KCNIP4: variants seen among roughly 807,000 people sequenced by gnomAD.
The protein encoded by KCNIP4 is Kv channel-interacting protein 4.
In KCNIP4, 12 loss-of-function variants were observed where a neutral mutation model predicts 34.0. That is an observed-to-expected ratio of 0.35 (90% CI 0.23 to 0.57). The LOEUF is 0.57. KCNIP4 is among the 20% of genes least tolerant of loss of function. The pLI is 0.83. For missense variants in KCNIP4, 238 were observed against 311.7 expected (o/e 0.76, Z 1.78); for synonymous variants, 124 against 102.2 (o/e 1.21, Z -1.29).
intron 1 of KCNIP4, among the ~76,000 whole-genome samples, chr4:21,274,438 T>C (rs1012862718): frequency 6.6e-6 from 1 of 152,192 alleles, no homozygotes; most frequent in Non-Finnish European, 1.5e-5. Context: ...CAAATTAATT[T>C]AGAATTCTTT....
intron 1 of KCNIP4, among the ~76,000 whole-genome samples, chr4:21,633,671 C>A (rs1745917632): frequency 6.6e-6 from 1 of 151,956 alleles, no homozygotes; most frequent in Non-Finnish European, 1.5e-5. Flanking sequence ...GTCTTAGGAC[C>A]TATTGACACT....
chr4:21,148,877 A>C (rs1336511494), intron 1 of KCNIP4, among the ~76,000 whole-genome samples: 1 of 152,176 alleles, frequency 6.6e-6, no homozygotes, highest in Non-Finnish European at 1.5e-5. Flanking sequence ...CTGAATGAAA[A>C]ACTGTGCTGC....
chr4:21,578,759 G>A (rs968840820), intron 1 of KCNIP4, among the ~76,000 whole-genome samples: 5 of 152,098 alleles, frequency 3.3e-5, no homozygotes, highest in Admixed American at 1.3e-4. Context: ...AAATGACTTC[G>A]TCTTGTACTC....
chr4:21,280,422 A>G (rs966020002), intron 1 of KCNIP4, among the ~76,000 whole-genome samples: 14 of 152,328 alleles, frequency 9.2e-5, no homozygotes, highest in African/African-American at 3.1e-4. Context: ...GTAAAGTACA[A>G]TAGAAAACAA....
At position 20,872,660 on chromosome 4, in the gene KCNIP4, G is replaced by A. The variant is rs73802379; in HGVS notation, c.163+9948C>T. Among the ~76,000 whole-genome samples the A allele has an allele frequency of 4.5e-3, 679 of 152,076 alleles. 9 individuals are homozygous for A. The highest frequency in any genetic ancestry group is 0.016 in the African/African-American group (647 of 41,488). The stretch of plus-strand genomic sequence containing the variant: ...TATAGCTCCTACGAGAAGCTACCTT[G>A]GTTACCATTATGAAAATATTACATA... On this transcript the variant is annotated intron_variant, in intron 2 of 8. Transcript: ENST00000382152.
At chr4:21,382,458 A>C (rs995631111) in intron 1 of KCNIP4, among the ~76,000 whole-genome samples, 1 of 152,204 alleles carries the variant, frequency 6.6e-6, no homozygotes, top group African/African-American at 2.4e-5. Flanking sequence ...CAATAAGTTC[A>C]AAGTAAAAAG....
chr4:21,191,916 C>A (rs1454426706), intron 1 of KCNIP4, among the ~76,000 whole-genome samples: 1 of 152,158 alleles, frequency 6.6e-6, no homozygotes, highest in African/African-American at 2.4e-5. Context: ...TTTCTTACCA[C>A]AATAACATGA....
rs1440498762 is a variant in KCNIP4, at chr4:21,369,035, C to A, written c.62-486326G>T. The stretch of plus-strand genomic sequence containing the variant: ...CCTTTCTGATTGCAGTAAAGGGATG[C>A]AGAGCAAAATCTTACAGTTAGGTAG... On this transcript the variant is annotated intron_variant, in intron 1 of 8. Coordinates refer to ENST00000382152, the MANE Select transcript of KCNIP4 (RefSeq NM_025221.6). Among the ~76,000 whole-genome samples, 2 of 147,120 alleles carry A rather than the reference C, an allele frequency of 1.4e-5. 1 individual carries two copies. The highest frequency in any genetic ancestry group is 5.4e-5 in the African/African-American group (2 of 36,856).
intron 1 of KCNIP4, among the ~76,000 whole-genome samples, chr4:21,669,219 G>C (rs760981544): frequency 7.1e-6 from 1 of 140,704 alleles, no homozygotes; most frequent in South Asian, 2.6e-4. Context: ...TCGACCTCCC[G>C]AGCTCAGGTG....
intron 1 of KCNIP4, among the ~76,000 whole-genome samples, chr4:21,530,423 A>C (rs575433396): frequency 6.6e-6 from 1 of 152,270 alleles, no homozygotes; most frequent in East Asian, 1.9e-4. Flanking sequence ...TTTATTCTTT[A>C]AATATTTGCT....
At chr4:20,806,230 G>A (rs559540626) in intron 3 of KCNIP4, among the ~76,000 whole-genome samples, 40 of 151,684 alleles carry the variant, frequency 2.6e-4, no homozygotes, top group Admixed American at 1.1e-3. Context: ...TTCCTTATAT[G>A]TCTTCTAATT....
intron 1 of KCNIP4, among the ~76,000 whole-genome samples, chr4:21,562,002 T>C (rs1739517969): frequency 6.6e-6 from 1 of 151,914 alleles, no homozygotes. Flanking sequence ...GGTCAGGGTA[T>C]AGAATTCTGG....
At chr4:21,401,401 C>T (rs1401988014) in intron 1 of KCNIP4, among the ~76,000 whole-genome samples, 1 of 152,174 alleles carries the variant, frequency 6.6e-6, no homozygotes, top group African/African-American at 2.4e-5. Flanking sequence ...TGCCCATGTA[C>T]AATGGGAAAC....
At chr4:21,659,681 T>C (rs1490912507) in intron 1 of KCNIP4, among the ~76,000 whole-genome samples, 2 of 152,096 alleles carry the variant, frequency 1.3e-5, no homozygotes, top group Non-Finnish European at 2.9e-5. Context: ...TAAACCACAA[T>C]TATTGATTGT....
intron 1 of KCNIP4, among the ~76,000 whole-genome samples, chr4:21,752,806 A>G (rs944184148): frequency 1.3e-5 from 2 of 152,170 alleles, no homozygotes; most frequent in Non-Finnish European, 2.9e-5. Flanking sequence ...TCTTTTGTGC[A>G]AGCAATTCAC....
intron 1 of KCNIP4, among the ~76,000 whole-genome samples, chr4:20,883,232 T>G (rs1724915527): frequency 1.3e-5 from 2 of 152,060 alleles, no homozygotes; most frequent in South Asian, 4.2e-4. Flanking sequence ...AATGAGAAAA[T>G]AAATGTCCTT....
intron 1 of KCNIP4, among the ~76,000 whole-genome samples, chr4:21,812,456 A>C (rs895834243): frequency 3.3e-5 from 5 of 152,182 alleles, no homozygotes; most frequent in African/African-American, 7.2e-5. Context: ...GGAAAAAAAG[A>C]GACAAACTAA....
At chr4:21,098,180 G>A (rs968086488) in intron 1 of KCNIP4, among the ~76,000 whole-genome samples, 1 of 152,184 alleles carries the variant, frequency 6.6e-6, no homozygotes, top group Non-Finnish European at 1.5e-5. Context: ...GAAGCTAACA[G>A]TGGTTGATTA....
intron 1 of KCNIP4, among the ~76,000 whole-genome samples, chr4:21,898,926 G>A (rs1727556392): frequency 6.6e-6 from 1 of 152,130 alleles, no homozygotes; most frequent in Non-Finnish European, 1.5e-5. Flanking sequence ...TGCCCTGAAT[G>A]GTGCTGGTCT....
Sources: gnomAD v4.1 joint callset for allele counts (sites outside exome capture counted in the v4.1 genomes callset) on GRCh38, gnomAD v4.1.1 for gene constraint, MANE v1.5 for transcripts, NCBI Gene and HGNC (gene_info 2026-07-23, HGNC 2026-07-21) for gene names.